The following TRPS1 variants were observed in gnomAD, a reference collection of about 807,000 sequenced individuals.
TRPS1 encodes the protein transcriptional repressor GATA binding 1, also known as zinc finger transcription factor Trps1.
TRPS1 carries 6 observed loss-of-function variants against 101.2 expected under a neutral mutation model. That is an observed-to-expected ratio of 0.06 (90% CI 0.03 to 0.12). The LOEUF (loss-of-function observed/expected upper bound fraction) is 0.12, where lower values mean the gene tolerates loss of function less well. Among genes scored for constraint, TRPS1 ranks in the 10% least tolerant of loss-of-function variants. The pLI, the probability that TRPS1 is intolerant of heterozygous loss-of-function variation, is 1.00. For synonymous variants in TRPS1, 578 were observed against 589.8 expected, an observed-to-expected ratio of 0.98 and a Z score of 0.29; for missense variants, 1,363 against 1,567.0, an observed-to-expected ratio of 0.87 and a Z score of 2.20.
At chr8:115,582,076 C>T (rs1295216137) in intron 5 of TRPS1, among the ~76,000 whole-genome samples, 1 of 152,098 alleles carries the variant, frequency 6.6e-6, no homozygotes, top group African/African-American at 2.4e-5. Context: ...CCCATTTTTC[C>T]TGATATAGTC....
intron 5 of TRPS1, among the ~76,000 whole-genome samples, chr8:115,423,305 G>T (rs780122000): frequency 1.1e-4 from 16 of 152,184 alleles, no homozygotes; most frequent in Non-Finnish European, 2.2e-4. Flanking sequence ...TTTCCTATGT[G>T]AAAAAGGATG....
chr8:115,520,133 A>G (rs1815821895), intron 5 of TRPS1, among the ~76,000 whole-genome samples: 1 of 151,528 alleles, frequency 6.6e-6, no homozygotes, highest in South Asian at 2.1e-4. Flanking sequence ...TAAAAAAAAC[A>G]GCATTAATAT....
intron 1 of TRPS1, among the ~76,000 whole-genome samples, chr8:115,642,861 T>A (rs1818934705): frequency 7.6e-6 from 1 of 131,126 alleles, no homozygotes; most frequent in African/African-American, 2.9e-5. Context: ...TATATATATA[T>A]ATAAATATAT....
chr8:115,617,658 G>A (rs1262410426), intron 3 of TRPS1, among the ~76,000 whole-genome samples: 1 of 152,132 alleles, frequency 6.6e-6, no homozygotes, highest in Admixed American at 6.5e-5. Flanking sequence ...TTCACATACT[G>A]ACATTATTCA....
intron 5 of TRPS1, among the ~76,000 whole-genome samples, chr8:115,447,148 C>G (rs1237834972): frequency 6.6e-6 from 1 of 152,114 alleles, no homozygotes; most frequent in Non-Finnish European, 1.5e-5. Context: ...GAGTCACTTC[C>G]AGTCTTTTAG....
chr8:115,652,790 A>ATAGTCTGT (rs1181925937), intron 1 of TRPS1, among the ~76,000 whole-genome samples: 7 of 152,244 alleles, frequency 4.6e-5, no homozygotes, highest in African/African-American at 1.7e-4. Context: ...AATATCCACG[A>ATAGTCTGT]TAGTCTGTGT....
chr8:115,488,690 A>C (rs1440198730), intron 5 of TRPS1, among the ~76,000 whole-genome samples: 2 of 152,138 alleles, frequency 1.3e-5, no homozygotes, highest in East Asian at 1.9e-4. Flanking sequence ...AAACCAAAAA[A>C]CAAAAAAAAC....
At chr8:115,531,012 T>C (rs1040375951) in intron 5 of TRPS1, among the ~76,000 whole-genome samples, 3 of 152,066 alleles carry the variant, frequency 2.0e-5, no homozygotes, top group African/African-American at 7.2e-5. Flanking sequence ...CACACCAACA[T>C]GGCACATGTA....
At chr8:115,667,473 G>A (rs77605077) in intron 1 of TRPS1, among the ~76,000 whole-genome samples, 2,231 of 152,296 alleles carry the variant, frequency 0.015, 62 homozygotes, top group African/African-American at 0.049. Flanking sequence ...AAGGCAAAGC[G>A]TCTGTCCGCT....
chr8:115,604,831 G>A lies in TRPS1; in HGVS notation c.1138C>T (p.Pro380Ser), dbSNP rs1164334966. 1.2e-6 allele frequency: 2 copies of A among 1,614,046 alleles called. No homozygotes were observed. The highest frequency in any genetic ancestry group is 1.1e-5 in the South Asian group (1 of 91,066). ...THPNKIKASL[P>S]SSEVAKPSEK... ...GAAGGTTTTGCAACCTCAGAGGAGG[G>A]GAGAGAAGCTTTTATTTTGTTTGGG... The change falls in exon 4 of 7, where the codon CCC becomes TCC. Residue 380 changes from proline (P) to serine (S), a missense_variant. Physicochemically the swap from Pro to Ser is moderately conservative, Grantham distance 74 (BLOSUM62 -1). This residue lies in a region of TRPS1 where 1,020 missense variants were observed against 1,073.0 expected (regional missense o/e 0.95). Transcript: ENST00000395715. This position sits in a 1 kb window ranked among gnomAD's most constrained non-coding sequence, Gnocchi z 4.1.
intron 1 of TRPS1, among the ~76,000 whole-genome samples, chr8:115,648,491 T>C (rs1997585): frequency 1 from 152,311 of 152,318 alleles, 76,152 homozygotes; most frequent in Middle Eastern, 1. Context: ...CAGCTCCTGT[T>C]GTGTCGCCGC....
At position 115,523,727 on chromosome 8, in the gene TRPS1, G is replaced by C. The variant is rs530424333; in HGVS notation, c.2700+63274C>G. On this transcript the variant is annotated intron_variant, in intron 5 of 6. Coordinates refer to ENST00000395715, the MANE Select transcript of TRPS1 (RefSeq NM_014112.5). ...AAAAGGCTATCTAAAAGAGCATGAT[G>C]ATAACAATATCCGTTGATACATGGA... Among the ~76,000 whole-genome samples the C allele has an allele frequency of 5.3e-5, 8 of 152,234 alleles. No homozygotes were observed. The South Asian group carries it at 1.7e-3, about 32-fold the overall frequency.
intron 5 of TRPS1, among the ~76,000 whole-genome samples, chr8:115,424,844 T>C (rs1445084191): frequency 6.6e-6 from 1 of 152,224 alleles, no homozygotes; most frequent in Non-Finnish European, 1.5e-5. Context: ...GACTGTCAGA[T>C]ATGTAGTTGA....
At chr8:115,638,233 C>T (rs1233726586) in intron 1 of TRPS1, among the ~76,000 whole-genome samples, 1 of 152,136 alleles carries the variant, frequency 6.6e-6, no homozygotes, top group Admixed American at 6.5e-5. Flanking sequence ...CACCAAAACT[C>T]CCCGGTAATC....
rs1304365235 is a variant in TRPS1 at position 115,412,713 on chromosome 8, A to G, written c.*1310T>C. 3 of 152,574 alleles carry G rather than the reference A, an allele frequency of 2.0e-5. No individual in the cohort carries two copies. Among genetic ancestry groups the G allele is most frequent in the South Asian group, 4.1e-4 (2 of 4,834 alleles). 9.5% of individuals were successfully genotyped at this position (152,574 alleles called of 1,614,324 possible). ...TCAGTCCTTGTACATACATCCTTGTAGCAAGCATTGAGGCTCGACTAACAG... is the reference window on the plus strand; with the variant it reads ...TCAGTCCTTGTACATACATCCTTGTGGCAAGCATTGAGGCTCGACTAACAG... On this transcript the variant is annotated 3_prime_UTR_variant, in exon 7 of 7. Coordinates refer to ENST00000395715, the MANE Select transcript of TRPS1 (RefSeq NM_014112.5).
At chr8:115,463,939 C>T (rs184217237) in intron 5 of TRPS1, among the ~76,000 whole-genome samples, 186 of 151,886 alleles carry the variant, frequency 1.2e-3, no homozygotes, top group African/African-American at 4.3e-3. Flanking sequence ...TAAATTACAT[C>T]CATCTTCCTA....
chr8:115,524,545 T>A (rs1306708956), intron 5 of TRPS1, among the ~76,000 whole-genome samples: 1 of 151,978 alleles, frequency 6.6e-6, no homozygotes, highest in Non-Finnish European at 1.5e-5. Flanking sequence ...GGTCTCGAAC[T>A]CCTGACCTCA....
At chr8:115,515,054 G>A (rs1053339294) in intron 5 of TRPS1, 1 of 569,632 alleles carries the variant, frequency 1.8e-6, no homozygotes, top group Admixed American at 3.0e-5. Context: ...GGCATATACT[G>A]TGTAAGAAAA....
At chr8:115,580,260 A>G (rs1471554730) in intron 5 of TRPS1, among the ~76,000 whole-genome samples, 1 of 149,822 alleles carries the variant, frequency 6.7e-6, no homozygotes, top group Non-Finnish European at 1.5e-5. Context: ...ATATATATAT[A>G]TATATGAGAG....
Sources: gnomAD v4.1 joint callset for allele counts (sites outside exome capture counted in the v4.1 genomes callset) on GRCh38, gnomAD v4.1.1 for gene constraint, gnomAD v4.1.1 regional missense constraint, Gnocchi (gnomAD v3.1) non-coding constraint, MANE v1.5 for transcripts, NCBI Gene and HGNC (gene_info 2026-07-23, HGNC 2026-07-21) for gene names.